Variants in ABCG5 observed in about 807,000 individuals in gnomAD.
The protein encoded by ABCG5 is ATP-binding cassette sub-family G member 5.
A neutral mutation model predicts 64.5 loss-of-function variants in ABCG5; 64 were observed. The ratio of observed to expected loss-of-function variants is 0.99; its 90% CI spans 0.81 to 1.22. The LOEUF (loss-of-function observed/expected upper bound fraction) is 1.22. Ranked by LOEUF, ABCG5 falls within the 50% of genes most tolerant of loss-of-function variation. The pLI is 0.00. For synonymous variants in ABCG5, 385 were observed against 326.3 expected, an observed-to-expected ratio of 1.18 and a Z score of -1.94; for missense variants, 908 against 829.5, an observed-to-expected ratio of 1.09 and a Z score of -1.16.
In ABCG5 at chr2:43,824,482, A is replaced by G. The variant is rs77969446; in HGVS notation, c.905-50T>C. The G allele has an allele frequency of 2.4e-5, 38 of 1,602,930 alleles. No individual in the cohort carries two copies. The African/African-American group carries it at 4.5e-4, about 19-fold the overall frequency. ...CACCCATGTGTTTTTAAATGCATGTATGTACATGGATATACAATTGGTACA... is the reference window on the plus strand; with the variant it reads ...CACCCATGTGTTTTTAAATGCATGTGTGTACATGGATATACAATTGGTACA... On this transcript the variant is annotated intron_variant, in intron 7 of 12. Transcript: ENST00000405322.
intron 5 of ABCG5, among the ~76,000 whole-genome samples, chr2:43,826,858 G>T (rs1159764032): frequency 6.6e-6 from 1 of 152,206 alleles, no homozygotes; most frequent in African/African-American, 2.4e-5. Flanking sequence ...TTTAAAACAA[G>T]ACTGAGAGAA....
chr2:43,807,017 A>G, the ABCG5 span, among the ~76,000 whole-genome samples: 1 of 152,216 alleles, frequency 6.6e-6, no homozygotes, highest in African/African-American at 2.4e-5. Context: ...ACATAATTTT[A>G]TGCTTTAGCT....
intron 12 of ABCG5, among the ~76,000 whole-genome samples, chr2:43,813,745 T>A (rs1210190601): frequency 7.8e-6 from 1 of 128,338 alleles, no homozygotes; most frequent in African/African-American, 3.1e-5. Context: ...TGAGACACAG[T>A]TTCACTCTGC....
rs1667551228 is a variant in ABCG5 at position 43,825,611 on chromosome 2, T to TTGC, written c.775-594_775-593insGCA. The stretch of plus-strand genomic sequence containing the variant: ...ATTTGTTGTTGTTTTGTTGTTATTG[T>TTGC]TGTTGTTGTTGTTGTTTCTGAGACC... On this transcript the variant is annotated intron_variant, in intron 6 of 12. Transcript: ENST00000405322. Among the ~76,000 whole-genome samples, 3 of 151,196 alleles carry TTGC rather than the reference T, an allele frequency of 2.0e-5. No individual in the cohort carries two copies. In the South Asian group the frequency reaches 6.3e-4, roughly 32 times the overall value.
intron 12 of ABCG5, 113 bp downstream of exon 12, chr2:43,814,364 T>C: frequency 1.4e-6 from 1 of 737,870 alleles, no homozygotes; most frequent in Non-Finnish European, 2.3e-6. Flanking sequence ...CAAAACAGAG[T>C]TTTAAATTGA....
chr2:43,815,112 T>C (rs1196481015), intron 11 of ABCG5, among the ~76,000 whole-genome samples: 2 of 152,142 alleles, frequency 1.3e-5, no homozygotes, highest in African/African-American at 4.8e-5. Flanking sequence ...AACAGAAAGT[T>C]GAAGGTACCA....
intron 5 of ABCG5, 147 bp from the exon 6 acceptor site, chr2:43,826,668 G>C: frequency 1.6e-6 from 2 of 1,287,868 alleles, no homozygotes; most frequent in East Asian, 2.4e-5. Context: ...CTGGCTTTCA[G>C]CCTGAGCTCA....
At chr2:43,833,373 TATTATTA>T (rs1402013938) in intron 2 of ABCG5, among the ~76,000 whole-genome samples, 1 of 133,064 alleles carries the variant, frequency 7.5e-6, no homozygotes, top group Non-Finnish European at 1.7e-5. Context: ...ATATTATTAT[TATTATTA>T]TTATTATTAT....
At chr2:43,836,642 G>A (rs185975741) in intron 2 of ABCG5, among the ~76,000 whole-genome samples, 86 of 152,136 alleles carry the variant, frequency 5.7e-4, no homozygotes, top group African/African-American at 1.7e-3. Context: ...AATTGCCCTC[G>A]GCCACAAGGA....
intron 9 of ABCG5, 24 bp from the exon 10 acceptor site, chr2:43,822,959 G>A (rs758135425): frequency 6.2e-7 from 1 of 1,612,982 alleles, no homozygotes; most frequent in East Asian, 2.2e-5. Flanking sequence ...GCAGGTTTCA[G>A]AACAGTCAGT....
chr2:43,824,729 G>A (rs1667481764), intron 7 of ABCG5, 160 bp downstream of exon 7: 1 of 923,318 alleles, frequency 1.1e-6, no homozygotes, highest in Non-Finnish European at 1.3e-6. Flanking sequence ...AGTCATCTCT[G>A]GCAAGTTCAT....
downstream of ABCG5, chr2:43,810,104 T>A: frequency 2.0e-6 from 1 of 488,272 alleles, no homozygotes; most frequent in Non-Finnish European, 2.7e-6. Flanking sequence ...GTTACAGTTT[T>A]AAATGCAAGG....
rs1668411717 is a variant in ABCG5 at position 43,838,306 on chromosome 2, C to G, written c.143+231G>C. 1.6e-5 allele frequency: 10 copies of G among 606,804 alleles called. No individual in the cohort carries two copies. The South Asian group carries it at 2.0e-4, about 12-fold the overall frequency. The allele number at this position is 606,804 out of a possible 1,614,324, so 37.6% of individuals were successfully genotyped here. A position where few individuals can be genotyped will look rare whatever the true frequency, so the allele number is the denominator to read the frequency against. On this transcript the variant is annotated intron_variant, in intron 1 of 12. Transcript: ENST00000405322. This position sits in a 1 kb window ranked among gnomAD's most constrained non-coding sequence, Gnocchi z 4.2. ...TAGACACTGGGTTGGCAGGGCACTG[C>G]TGCCACTTTGTTTATGCCCAGGCCC...
intron 4 of ABCG5, 88 bp from the exon 5 acceptor site, chr2:43,828,203 C>G: frequency 6.3e-7 from 1 of 1,588,806 alleles, no homozygotes; most frequent in Non-Finnish European, 8.6e-7. Context: ...AAAGAGGCAG[C>G]ACACCGCCCA....
intron 4 of ABCG5, chr2:43,828,367 G>T (rs766912386): frequency 2.0e-6 from 1 of 511,490 alleles, no homozygotes; most frequent in South Asian, 2.0e-5. Flanking sequence ...TGGGTGCAGT[G>T]GCTCATGCCT....
chr2:43,824,435 A>T lies in ABCG5; in HGVS notation c.905-3T>A. 6.2e-7 allele frequency: 1 copy of T among 1,613,502 alleles called. No homozygotes were observed. Among genetic ancestry groups the T allele is most frequent in the Non-Finnish European group, 8.5e-7 (1 of 1,180,016 alleles). ...GGTATCCACTGACGTCAGGTCCACT[A>T]AAAGTTTTTCCCAAAAGATGTCACC... On this transcript the variant is annotated splice_polypyrimidine_tract_variant and splice_region_variant and intron_variant, in intron 7 of 12. Coordinates refer to ENST00000405322, the MANE Select transcript of ABCG5 (RefSeq NM_022436.3).
In ABCG5 at chr2:43,831,778, G is replaced by T; in HGVS notation, c.492C>A (p.Phe164Leu). ...LAIRRGNPGS[F>L]QKKVEAVMAE... ...GGGGGGCTGCACCCACCTTCTTCTG[G>T]AAGGAGCCGGGATTGCCGCGGCGGA... The change falls in exon 4 of 13, where the codon TTC (phenylalanine) becomes TTA (leucine). Residue 164 changes from phenylalanine (F) to leucine (L), a missense_variant. Transcript: ENST00000405322. 1 of 1,582,062 alleles carries T rather than the reference G, an allele frequency of 6.3e-7. No homozygotes were observed.
chr2:43,827,835 A>C, intron 5 of ABCG5, 148 bp downstream of exon 5: 1 of 1,271,902 alleles, frequency 7.9e-7, no homozygotes, highest in Non-Finnish European at 1.1e-6. Flanking sequence ...TTTCCAAAAA[A>C]ACTGGGTCCT....
At chr2:43,828,347 C>T (rs1266631815) in intron 4 of ABCG5, 18 of 580,352 alleles carry the variant, frequency 3.1e-5, no homozygotes, top group Non-Finnish European at 5.1e-5. Context: ...TTTAAAACGT[C>T]CCCAGAGGCT....
Sources: gnomAD v4.1 joint callset for allele counts (sites outside exome capture counted in the v4.1 genomes callset) on GRCh38, gnomAD v4.1.1 for gene constraint, Gnocchi (gnomAD v3.1) non-coding constraint, MANE v1.5 for transcripts, NCBI Gene and HGNC (gene_info 2026-07-23, HGNC 2026-07-21) for gene names.